Variants in DNAJC13 observed in about 807,000 individuals in gnomAD.
DNAJC13 encodes DnaJ heat shock protein family (Hsp40) member C13, also known as dnaJ homolog subfamily C member 13.
In DNAJC13, 75 loss-of-function variants were observed where a neutral mutation model predicts 290.5. The observed-to-expected ratio is 0.26, with a 90% CI of 0.21 to 0.31. The LOEUF (loss-of-function observed/expected upper bound fraction) is 0.31, where lower values mean the gene tolerates loss of function less well. DNAJC13 is among the 10% of genes least tolerant of loss of function. The pLI is 1.00. For missense variants in DNAJC13, 2,260 were observed against 2,674.5 expected (o/e 0.85, Z 3.42); for synonymous variants, 862 against 892.0 (o/e 0.97, Z 0.60).
intron 2 of DNAJC13, among the ~76,000 whole-genome samples, chr3:132,445,992 T>C (rs2107659992): frequency 6.6e-6 from 1 of 152,228 alleles, no homozygotes; most frequent in Middle Eastern, 3.4e-3. Flanking sequence ...TGAGATGTAA[T>C]AGGTAGTTGC....
In DNAJC13 at chr3:132,463,765, T is replaced by G. The variant is rs1170735259; in HGVS notation, c.1840T>G (p.Leu614Val). The G allele has an allele frequency of 6.2e-7, 1 of 1,613,552 alleles. No individual in the cohort carries two copies. The highest frequency in any genetic ancestry group is 1.7e-4 in the Middle Eastern group (1 of 6,060). Residue 614 changes from leucine to valine, a missense_variant, in exon 17 of 56, where the codon TTG becomes GTG. By Grantham distance (32) the Leu-to-Val change is conservative (BLOSUM62 1). Coordinates refer to ENST00000260818, the MANE Select transcript of DNAJC13 (RefSeq NM_015268.4). ...AAGTGAAGGTGCCTTACCTCGACAC[T>G]TGCATACTGCGATGTTTACAATAAG... Reference protein sequence around the residue: ...ALSEGALPRHLHTAMFTISSD... With the variant: ...ALSEGALPRHVHTAMFTISSD...
At chr3:132,426,051 T>A (rs1176321804) in intron 1 of DNAJC13, among the ~76,000 whole-genome samples, 1 of 152,096 alleles carries the variant, frequency 6.6e-6, no homozygotes, top group Non-Finnish European at 1.5e-5. Flanking sequence ...TGATCTTAAA[T>A]GGTTTGCCAG....
chr3:132,536,487 C>A (rs1936596524), intron 55 of DNAJC13, among the ~76,000 whole-genome samples: 2 of 152,218 alleles, frequency 1.3e-5, no homozygotes, highest in African/African-American at 4.8e-5. Flanking sequence ...CGTCATTAAT[C>A]CACTTTCTAG....
At chr3:132,535,114 A>G (rs1375436561) in intron 55 of DNAJC13, among the ~76,000 whole-genome samples, 1 of 152,222 alleles carries the variant, frequency 6.6e-6, no homozygotes, top group African/African-American at 2.4e-5. Flanking sequence ...TCTAACTGAT[A>G]TCTTTAGGTG....
At chr3:132,474,063 C>T (rs188815809) in intron 21 of DNAJC13, among the ~76,000 whole-genome samples, 24 of 152,276 alleles carry the variant, frequency 1.6e-4, no homozygotes, top group African/African-American at 5.8e-4. Flanking sequence ...GAGGAAGATA[C>T]TTTGAAAATG....
chr3:132,536,858 A>G (rs2839779), intron 55 of DNAJC13, among the ~76,000 whole-genome samples: 89,307 of 152,000 alleles, frequency 0.59, 28,465 homozygotes, highest in East Asian at 0.87. Flanking sequence ...CTTAAAAAGG[A>G]GAAATATTTT....
intron 1 of DNAJC13, among the ~76,000 whole-genome samples, chr3:132,419,472 T>G (rs1938893490): frequency 1.3e-5 from 2 of 152,246 alleles, no homozygotes; most frequent in South Asian, 4.1e-4. Flanking sequence ...GATGGTTGCC[T>G]TGCCCAGGTG....
chr3:132,504,035 TTTTGGTATAA>T (rs2107722795), intron 41 of DNAJC13, among the ~76,000 whole-genome samples: 1 of 152,184 alleles, frequency 6.6e-6, no homozygotes, highest in Admixed American at 6.5e-5. Context: ...TAGATCCTAT[TTTTGGTATAA>T]CAAAATAAAT....
chr3:132,454,174 AAGTTTTTG>A lies in DNAJC13; in HGVS notation c.932+19_932+26del. On this transcript the variant is annotated intron_variant, in intron 9 of 55. Coordinates refer to ENST00000260818, the MANE Select transcript of DNAJC13 (RefSeq NM_015268.4). ...AACAGAGAGGTATTTTTTTTTTTTT[AAGTTTTTG>A]AAATCCTAGTTGTGCAAGGCAAAGT... 1.3e-6 allele frequency: 2 copies of A among 1,507,784 alleles called. No individual in the cohort carries two copies. The highest frequency in any genetic ancestry group is 1.8e-6 in the Non-Finnish European group (2 of 1,103,322). 93.4% of individuals were successfully genotyped at this position (1,507,784 alleles called of 1,614,324 possible).
chr3:132,514,230 A>G (rs1351138154), intron 45 of DNAJC13, among the ~76,000 whole-genome samples: 2 of 152,102 alleles, frequency 1.3e-5, no homozygotes, highest in Non-Finnish European at 2.9e-5. Flanking sequence ...AGGGTACTGA[A>G]GACATTTGCT....
Position 132,461,172 on chromosome 3 carries a change from A to G in DNAJC13, c.1680A>G (p.Ala560=). The G allele has an allele frequency of 1.9e-6, 3 of 1,614,100 alleles. No individual in the cohort carries two copies. The highest frequency in any genetic ancestry group is 2.5e-6 in the Non-Finnish European group (3 of 1,179,974). The change falls in exon 15 of 56, where the codon GCA becomes GCG. Residue 560 remains alanine (A), a synonymous_variant. Coordinates refer to ENST00000260818, the MANE Select transcript of DNAJC13 (RefSeq NM_015268.4). ...QQFDMLLEMV[A]SNGRTLFKLF... ...TTGATATGCTCTTGGAGATGGTAGC[A>G]TCCAATGGAAGAACCCTTTTTAAAC...
intron 3 of DNAJC13, 130 bp from the exon 4 acceptor site, chr3:132,447,189 GAC>G (rs750874309): frequency 3.6e-5 from 27 of 753,064 alleles, no homozygotes; most frequent in Non-Finnish European, 4.9e-5. Context: ...ATTACTGTAA[GAC>G]ACAATTTCTA....
chr3:132,507,460 C>T, intron 43 of DNAJC13, 107 bp downstream of exon 43: 2 of 684,834 alleles, frequency 2.9e-6, no homozygotes, highest in South Asian at 2.0e-5. Context: ...ATTGCACTTT[C>T]TTTACTGTGC....
intron 2 of DNAJC13, among the ~76,000 whole-genome samples, chr3:132,438,212 G>A (rs538232211): frequency 3.3e-5 from 5 of 152,080 alleles, no homozygotes; most frequent in African/African-American, 7.2e-5. Flanking sequence ...ACAGTGTTCT[G>A]TTGATTTCAG....
intron 25 of DNAJC13, among the ~76,000 whole-genome samples, 175 bp downstream of exon 25, chr3:132,479,464 G>A (rs932756810): frequency 6.6e-6 from 1 of 152,092 alleles, no homozygotes; most frequent in Non-Finnish European, 1.5e-5. Flanking sequence ...AGTATTCCCT[G>A]TATAGTCTGT....
In DNAJC13 at chr3:132,522,996, G is replaced by C. The variant is rs772806279; in HGVS notation, c.5842G>C (p.Glu1948Gln). 4.7e-5 allele frequency: 76 copies of C among 1,606,462 alleles called. No individual in the cohort carries two copies. In the South Asian group the frequency reaches 8.1e-4, roughly 17 times the overall value. Reference protein sequence around the residue: ...VSTTVREMMLEHFKNQQDNPE... With the variant: ...VSTTVREMMLQHFKNQQDNPE... Reference sequence around the variant, plus strand: ...CACAACAGTTAGGGAAATGATGCTAGAGTAAGTAAAAACAAAGGTAATAAT... The same window carrying C: ...CACAACAGTTAGGGAAATGATGCTACAGTAAGTAAAAACAAAGGTAATAAT... The change falls in exon 49 of 56, where the codon GAG (glutamate) becomes CAG (glutamine). Residue 1948 changes from glutamate to glutamine, a missense_variant and splice_region_variant. This residue lies in a region of DNAJC13 where 1,494 missense variants were observed against 1,693.7 expected (regional missense o/e 0.88). Coordinates refer to ENST00000260818, the MANE Select transcript of DNAJC13 (RefSeq NM_015268.4).
chr3:132,490,232 A>G (rs1380720758), intron 31 of DNAJC13, among the ~76,000 whole-genome samples: 5 of 152,254 alleles, frequency 3.3e-5, no homozygotes, highest in East Asian at 3.9e-4. Context: ...AGAGAAGTAA[A>G]ATGTCTTTAA....
chr3:132,504,651 A>G (rs537881613), intron 41 of DNAJC13, among the ~76,000 whole-genome samples: 1 of 152,222 alleles, frequency 6.6e-6, no homozygotes, highest in Non-Finnish European at 1.5e-5. Context: ...TTTTCCTATT[A>G]GCAGTAGACC....
Position 132,479,268 on chromosome 3 carries a change from T to C in DNAJC13, c.2751T>C (p.Leu917=). 6.2e-7 allele frequency: 1 copy of C among 1,607,622 alleles called. No homozygotes were observed. Among genetic ancestry groups the C allele is most frequent in the Non-Finnish European group, 8.5e-7 (1 of 1,174,704 alleles). ...AACGAGATAGGTTGATTCTCTTCCTTAACAAGTTGATCCTTAATAAGGTAC... is the reference window on the plus strand; with the variant it reads ...AACGAGATAGGTTGATTCTCTTCCTCAACAAGTTGATCCTTAATAAGGTAC... ...KLERDRLILF[L]NKLILNKKNV... The change falls in exon 25 of 56, where the codon CTT becomes CTC. Residue 917 remains leucine, a synonymous_variant. Coordinates refer to ENST00000260818, the MANE Select transcript of DNAJC13 (RefSeq NM_015268.4).
Sources: allele counts gnomAD v4.1 joint callset (sites outside exome capture counted in the v4.1 genomes callset), GRCh38; gene constraint gnomAD v4.1.1; regional missense constraint gnomAD v4.1.1; transcripts MANE v1.5; gene names NCBI Gene and HGNC (gene_info 2026-07-23, HGNC 2026-07-21).